Variants in ARHGAP28 observed in about 807,000 individuals in gnomAD.
ARHGAP28 encodes the protein rho GTPase-activating protein 28.
A neutral mutation model predicts 90.7 loss-of-function variants in ARHGAP28; 56 were observed. The ratio of observed to expected loss-of-function variants is 0.62; its 90% CI spans 0.50 to 0.77. ARHGAP28 has a LOEUF of 0.77. ARHGAP28 is among the 30% of genes least tolerant of loss of function. The pLI, the probability that ARHGAP28 is intolerant of heterozygous loss-of-function variation, is 0.00. For missense variants in ARHGAP28, 869 were observed against 900.9 expected (o/e 0.96, Z 0.45); for synonymous variants, 308 against 323.3 (o/e 0.95, Z 0.51).
intron 2 of ARHGAP28, among the ~76,000 whole-genome samples, chr18:6,832,161 A>T (rs947192466): frequency 2.6e-5 from 4 of 151,962 alleles, no homozygotes; most frequent in African/African-American, 9.7e-5. Flanking sequence ...CTTCATTATT[A>T]TTCAGTTTTA....
At chr18:6,739,645 T>TTCTCTCTCTCTCTC (rs138884918) in intron 1 of ARHGAP28, among the ~76,000 whole-genome samples, 1,628 of 144,970 alleles carry the variant, frequency 0.011, 28 homozygotes, top group African/African-American at 0.039. Context: ...TGACTAAGCT[T>TTCTCTCTCTCTCTC]TCTCTCTCTC....
chr18:6,765,353 G>T (rs553082296), intron 1 of ARHGAP28, among the ~76,000 whole-genome samples: 4 of 152,186 alleles, frequency 2.6e-5, no homozygotes, highest in African/African-American at 9.6e-5. Flanking sequence ...TCTTCTGTCA[G>T]TTCTAATAAA....
intron 1 of ARHGAP28, among the ~76,000 whole-genome samples, chr18:6,799,270 TTAGA>T (rs1318344612): frequency 1.3e-5 from 2 of 152,126 alleles, no homozygotes; most frequent in Middle Eastern, 3.2e-3. Context: ...TTCCATGCTC[TTAGA>T]TAGGAAGAAT....
intron 1 of ARHGAP28, among the ~76,000 whole-genome samples, chr18:6,788,161 A>G (rs1252425539): frequency 1.3e-5 from 2 of 152,094 alleles, no homozygotes; most frequent in Non-Finnish European, 2.9e-5. Context: ...TGAGCAGTTT[A>G]GCACCACCTA....
chr18:6,910,388 A>T (rs2057389557), intron 17 of ARHGAP28, among the ~76,000 whole-genome samples: 1 of 152,128 alleles, frequency 6.6e-6, no homozygotes, highest in Non-Finnish European at 1.5e-5. Flanking sequence ...TCACTGCTTT[A>T]AATACACCTG....
intron 4 of ARHGAP28, among the ~76,000 whole-genome samples, chr18:6,854,057 G>A (rs905439369): frequency 6.6e-6 from 1 of 151,822 alleles, no homozygotes; most frequent in African/African-American, 2.4e-5. Flanking sequence ...CTAAAAAACA[G>A]CTCACCACTT....
At chr18:6,864,159 G>A (rs1175009082) in intron 5 of ARHGAP28, among the ~76,000 whole-genome samples, 10 of 152,072 alleles carry the variant, frequency 6.6e-5, no homozygotes, top group African/African-American at 9.7e-5. Context: ...TCTGCCTCCC[G>A]GATTCAAGCC....
chr18:6,730,160 C>A, intron 1 of ARHGAP28: 1 of 364,670 alleles, frequency 2.7e-6, no homozygotes, highest in Non-Finnish European at 4.5e-6. Flanking sequence ...AAGTCGTTGG[C>A]TAGCAGAGAT....
chr18:6,783,314 T>C (rs1045202732), intron 1 of ARHGAP28, among the ~76,000 whole-genome samples: 3 of 149,850 alleles, frequency 2.0e-5, no homozygotes, highest in African/African-American at 7.4e-5. Flanking sequence ...TTTTTTTTTT[T>C]TTTTGAGATG....
chr18:6,837,117 A>G (rs1425016854), intron 2 of ARHGAP28, 80 bp from the exon 3 acceptor site: 3 of 1,021,000 alleles, frequency 2.9e-6, no homozygotes, highest in Admixed American at 4.9e-5. Context: ...TTATTTACCA[A>G]TACTTCTTGT....
intron 3 of ARHGAP28, among the ~76,000 whole-genome samples, chr18:6,840,571 G>C (rs2056798942): frequency 6.6e-6 from 1 of 152,172 alleles, no homozygotes; most frequent in Non-Finnish European, 1.5e-5. Flanking sequence ...ATAAACTGGT[G>C]TCTAACTCCT....
At chr18:6,809,912 C>T (rs554164286) in intron 1 of ARHGAP28, among the ~76,000 whole-genome samples, 119 of 152,174 alleles carry the variant, frequency 7.8e-4, no homozygotes, top group Non-Finnish European at 1.4e-3. Context: ...TTTAGGTACT[C>T]AATAAACAGT....
intron 1 of ARHGAP28, among the ~76,000 whole-genome samples, chr18:6,822,505 T>C (rs1217454708): frequency 6.6e-6 from 1 of 152,210 alleles, no homozygotes; most frequent in Non-Finnish European, 1.5e-5. Context: ...ATAATAGCTG[T>C]CTTACTATCT....
intron 1 of ARHGAP28, among the ~76,000 whole-genome samples, chr18:6,751,187 T>A (rs1337755140): frequency 1.3e-5 from 2 of 152,208 alleles, no homozygotes; most frequent in Non-Finnish European, 2.9e-5. Context: ...CTTAAAATTT[T>A]TCAGAGAAGA....
At chr18:6,826,683 C>CTTTTTTTTTTTTTTTTTTTTTTTTTT (rs36069648) in intron 2 of ARHGAP28, among the ~76,000 whole-genome samples, 2 of 88,262 alleles carry the variant, frequency 2.3e-5, no homozygotes, top group Non-Finnish European at 4.1e-5. Flanking sequence ...GGATTTTGAG[C>CTTTTTTTTTTTTTTTTTTTTTTTTTT]TTTTTTTTTT....
chr18:6,837,543 C>G, intron 3 of ARHGAP28, 129 bp downstream of exon 3: 1 of 698,990 alleles, frequency 1.4e-6, no homozygotes, highest in Non-Finnish European at 2.4e-6. Context: ...TTTGAGAAAA[C>G]TAAAGCAGAC....
chr18:6,783,613 T>G (rs2056344437), intron 1 of ARHGAP28, among the ~76,000 whole-genome samples: 1 of 152,094 alleles, frequency 6.6e-6, no homozygotes, highest in East Asian at 1.9e-4. Context: ...GGTATTTACT[T>G]TTAACCACAG....
chr18:6,782,590 G>GTTTTTT (rs1567945690), intron 1 of ARHGAP28, among the ~76,000 whole-genome samples: 28 of 20,936 alleles, frequency 1.3e-3, no homozygotes, highest in Non-Finnish European at 3.4e-3. Flanking sequence ...GCTAATTTTT[G>GTTTTTT]TATTTTTTTT....
intron 16 of ARHGAP28, 69 bp from the exon 17 acceptor site, chr18:6,908,891 T>G: frequency 2.2e-6 from 2 of 907,540 alleles, no homozygotes; most frequent in Non-Finnish European, 3.6e-6. Context: ...TGCCTGGTTA[T>G]TTAACATGCA....
Sources: gnomAD v4.1 joint callset for allele counts (sites outside exome capture counted in the v4.1 genomes callset) on GRCh38, gnomAD v4.1.1 for gene constraint, MANE v1.5 for transcripts, NCBI Gene and HGNC (gene_info 2026-07-23, HGNC 2026-07-21) for gene names.